ADGRB3: variants seen among roughly 807,000 people sequenced by gnomAD.
The protein encoded by ADGRB3 is adhesion G protein-coupled receptor B3.
In ADGRB3, 37 loss-of-function variants were observed where a neutral mutation model predicts 193.4. The ratio of observed to expected loss-of-function variants is 0.19; its 90% CI spans 0.15 to 0.25. ADGRB3 has a LOEUF of 0.25. Ranked by LOEUF, ADGRB3 falls within the 10% of genes least tolerant of loss-of-function variation. ADGRB3 has a pLI of 1.00. For synonymous variants in ADGRB3, 690 were observed against 644.2 expected (o/e 1.07, Z -1.08); for missense variants, 1,637 against 1,852.9 (o/e 0.88, Z 2.14).
At chr6:68,786,725 A>G (rs1766979704) in intron 3 of ADGRB3, among the ~76,000 whole-genome samples, 1 of 151,030 alleles carries the variant, frequency 6.6e-6, no homozygotes, top group African/African-American at 2.4e-5. Context: ...ATGGCATTGA[A>G]TCTATAAATT....
chr6:69,360,105 A>AT (rs1293368644), intron 28 of ADGRB3, among the ~76,000 whole-genome samples: 3 of 151,748 alleles, frequency 2.0e-5, no homozygotes, highest in South Asian at 2.1e-4. Context: ...GTTATCATAG[A>AT]TTTTTTTCCC....
chr6:69,346,128 C>T (rs539254022), intron 26 of ADGRB3, among the ~76,000 whole-genome samples: 1 of 152,178 alleles, frequency 6.6e-6, no homozygotes, highest in Non-Finnish European at 1.5e-5. Context: ...ATTCCATGCT[C>T]ATGGATAGGA....
At chr6:69,219,461 G>GTGTA (rs1491200940) in intron 17 of ADGRB3, among the ~76,000 whole-genome samples, 3,582 of 99,044 alleles carry the variant, frequency 0.036, 159 homozygotes, top group Middle Eastern at 0.12. Flanking sequence ...ACACACACAC[G>GTGTA]TATATATATA....
Position 69,388,926 on chromosome 6 carries a change from T to C in ADGRB3, c.*35T>C, listed in dbSNP as rs1168987627. 3 of 1,581,684 alleles carry C rather than the reference T, an allele frequency of 1.9e-6. No homozygotes were observed. In the South Asian group the frequency reaches 3.5e-5, roughly 18 times the overall value. ...AATGGACTAAGGTAGAGACAAAACT[T>C]TATTGCACTGACACTTAAGACTTGG... is the stretch of plus-strand genomic sequence containing the variant. On this transcript the variant is annotated 3_prime_UTR_variant, in exon 32 of 32. Coordinates refer to ENST00000370598, the MANE Select transcript of ADGRB3 (RefSeq NM_001704.3).
chr6:69,104,221 G>A (rs962409412), intron 17 of ADGRB3, among the ~76,000 whole-genome samples: 1 of 132,892 alleles, frequency 7.5e-6, no homozygotes, highest in African/African-American at 2.9e-5. Context: ...AGAGTGTGAT[G>A]TTCCCCTTCC....
intron 3 of ADGRB3, among the ~76,000 whole-genome samples, chr6:68,832,081 A>G (rs531716801): frequency 6.6e-6 from 1 of 152,168 alleles, no homozygotes; most frequent in African/African-American, 2.4e-5. Context: ...TTACTTGTAC[A>G]TATTTTAAAG....
chr6:68,743,822 T>A (rs923375560), intron 3 of ADGRB3, among the ~76,000 whole-genome samples: 2 of 152,120 alleles, frequency 1.3e-5, no homozygotes, highest in African/African-American at 4.8e-5. Flanking sequence ...TTGTTAATTT[T>A]GTAATTTATG....
Position 68,991,854 on chromosome 6 carries a change from A to G in ADGRB3, c.1735-1914A>G, listed in dbSNP as rs1307210979. ...TATAGATCTATTTTTCAAATCTCAG[A>G]GGAAACATGGTAAGCTGAGTGTCCA... On this transcript the variant is annotated intron_variant, in intron 10 of 31. Transcript: ENST00000370598. 2.0e-5 allele frequency among the ~76,000 whole-genome samples: 3 copies of G among 152,250 alleles called. No individual in the cohort carries two copies. The East Asian group carries it at 5.8e-4, about 29-fold the overall frequency.
At chr6:69,045,149 G>C (rs1771201024) in intron 13 of ADGRB3, among the ~76,000 whole-genome samples, 1 of 152,002 alleles carries the variant, frequency 6.6e-6, no homozygotes, top group Non-Finnish European at 1.5e-5. Flanking sequence ...TGAGTGTTTT[G>C]ACAGTTAAAC....
At chr6:68,673,867 C>T (rs1002470735) in intron 3 of ADGRB3, among the ~76,000 whole-genome samples, 2 of 152,066 alleles carry the variant, frequency 1.3e-5, no homozygotes, top group African/African-American at 4.8e-5. Flanking sequence ...CCTTCAAATG[C>T]AGAGGGAATA....
At chr6:69,163,394 A>G (rs1165820904) in intron 17 of ADGRB3, among the ~76,000 whole-genome samples, 1 of 152,118 alleles carries the variant, frequency 6.6e-6, no homozygotes, top group Non-Finnish European at 1.5e-5. Context: ...CCCTCTTCCT[A>G]TATTACCATG....
chr6:69,190,947 C>T (rs1045912361), intron 17 of ADGRB3, among the ~76,000 whole-genome samples: 2 of 151,838 alleles, frequency 1.3e-5, no homozygotes, highest in Admixed American at 1.3e-4. Flanking sequence ...CTATGTACCC[C>T]AGGTTTGTAT....
chr6:69,237,986 T>C (rs962451928), intron 19 of ADGRB3, among the ~76,000 whole-genome samples: 3 of 152,148 alleles, frequency 2.0e-5, no homozygotes, highest in Non-Finnish European at 4.4e-5. Context: ...TTTCTTTTTA[T>C]ATTACAAAAA....
chr6:68,814,256 G>A (rs940207910), intron 3 of ADGRB3, among the ~76,000 whole-genome samples: 2 of 152,150 alleles, frequency 1.3e-5, no homozygotes, highest in African/African-American at 4.8e-5. Context: ...ATTCTAACTG[G>A]TGTGAGATGG....
At chr6:68,741,499 A>G (rs1216411915) in intron 3 of ADGRB3, among the ~76,000 whole-genome samples, 1 of 151,974 alleles carries the variant, frequency 6.6e-6, no homozygotes, top group Non-Finnish European at 1.5e-5. Flanking sequence ...CCATCCTCCA[A>G]CCTGAGCCTC....
intron 3 of ADGRB3, among the ~76,000 whole-genome samples, chr6:68,736,190 A>C (rs1051714255): frequency 2.0e-5 from 3 of 151,808 alleles, no homozygotes; most frequent in African/African-American, 7.3e-5. Flanking sequence ...TTAAAAAAAA[A>C]AAAAAATTTA....
At chr6:68,917,792 A>C (rs1008831386) in intron 3 of ADGRB3, among the ~76,000 whole-genome samples, 7 of 152,170 alleles carry the variant, frequency 4.6e-5, no homozygotes, top group African/African-American at 1.2e-4. Flanking sequence ...TATGCCTCTT[A>C]AAAAATAAAG....
intron 3 of ADGRB3, among the ~76,000 whole-genome samples, chr6:68,884,119 A>G (rs996437106): frequency 6.6e-6 from 1 of 152,208 alleles, no homozygotes; most frequent in African/African-American, 2.4e-5. Context: ...TTTGGTTTCC[A>G]TGATTTCCAA....
chr6:68,820,946 G>C (rs558225848), intron 3 of ADGRB3, among the ~76,000 whole-genome samples: 1 of 152,134 alleles, frequency 6.6e-6, no homozygotes, highest in Admixed American at 6.6e-5. Flanking sequence ...GTAACATGAA[G>C]TACAGAAAAG....
Sources: gnomAD v4.1 joint callset for allele counts (sites outside exome capture counted in the v4.1 genomes callset) on GRCh38, gnomAD v4.1.1 for gene constraint, MANE v1.5 for transcripts, NCBI Gene and HGNC (gene_info 2026-07-23, HGNC 2026-07-21) for gene names.